The following CALD1 variants were observed in gnomAD, a reference collection of about 807,000 sequenced individuals.
The protein encoded by CALD1 is caldesmon 1.
In CALD1, 33 loss-of-function variants were observed where a neutral mutation model predicts 99.9. The ratio of observed to expected loss-of-function variants is 0.33; its 90% CI spans 0.25 to 0.44. CALD1 has a LOEUF of 0.44. Among genes scored for constraint, CALD1 ranks in the 20% least tolerant of loss-of-function variants. The probability of loss-of-function intolerance (pLI) is 1.00; values close to 1 mark genes in which losing one functional copy is unlikely to be tolerated. For missense variants in CALD1, 861 were observed against 962.1 expected (o/e 0.89, Z 1.39); for synonymous variants, 310 against 325.0 (o/e 0.95, Z 0.50).
chr7:134,930,042 C>T (rs559050833), intron 4 of CALD1, among the ~76,000 whole-genome samples: 66 of 152,146 alleles, frequency 4.3e-4, no homozygotes, highest in Middle Eastern at 3.4e-3. Flanking sequence ...TTGCAGATGT[C>T]TTCTTTTTTC....
Position 134,896,491 on chromosome 7 carries a change from T to A in CALD1, c.71+28687T>A, listed in dbSNP as rs553808053. 3.3e-5 allele frequency among the ~76,000 whole-genome samples: 5 copies of A among 152,312 alleles called. No homozygotes were observed. The South Asian group carries it at 6.2e-4, about 19-fold the overall frequency. On this transcript the variant is annotated intron_variant, in intron 3 of 14. Transcript: ENST00000361675. ...ATAGGTCACTGTGCTTTGCATGTATTGGGTACTCTTCTATACAAGATATTG... is the reference window on the plus strand; with the variant it reads ...ATAGGTCACTGTGCTTTGCATGTATAGGGTACTCTTCTATACAAGATATTG...
intron 8 of CALD1, among the ~76,000 whole-genome samples, chr7:134,949,671 C>T (rs886264671): frequency 6.6e-6 from 1 of 152,124 alleles, no homozygotes; most frequent in African/African-American, 2.4e-5. Flanking sequence ...TCACAACTCT[C>T]CTAGGATGTA....
intron 1 of CALD1, among the ~76,000 whole-genome samples, chr7:134,843,628 T>C (rs1046064517): frequency 6.6e-6 from 1 of 152,246 alleles, no homozygotes; most frequent in East Asian, 1.9e-4. Flanking sequence ...GGCAATTAGA[T>C]ACTATCCCTG....
At chr7:134,863,139 G>T (rs1291562126) in intron 2 of CALD1, among the ~76,000 whole-genome samples, 1 of 152,112 alleles carries the variant, frequency 6.6e-6, no homozygotes, top group Non-Finnish European at 1.5e-5. Context: ...GACTACATCT[G>T]CAAAGACTCT....
Position 134,815,926 on chromosome 7 carries a change from A to G in CALD1, c.-129-27958A>G, listed in dbSNP as rs548948180. Among the ~76,000 whole-genome samples, 122 of 152,314 alleles carry G rather than the reference A, an allele frequency of 8.0e-4. 1 individual carries two copies. Among genetic ancestry groups the G allele is most frequent in the Non-Finnish European group, 1.1e-3 (73 of 68,024 alleles). On this transcript the variant is annotated intron_variant, in intron 1 of 14. Coordinates refer to ENST00000361675, the MANE Select transcript of CALD1 (RefSeq NM_033138.4). ...AACTGGCATATATCCCCTTTGTAAA[A>G]TATCAATTCCTTAAGAATCTTTCTT...
intron 1 of CALD1, among the ~76,000 whole-genome samples, chr7:134,797,722 A>T (rs1174656697): frequency 2.0e-5 from 3 of 152,076 alleles, no homozygotes; most frequent in Non-Finnish European, 4.4e-5. Context: ...CCTCCCGAGT[A>T]ACTGGGACTA....
intron 1 of CALD1, among the ~76,000 whole-genome samples, chr7:134,841,191 G>T (rs1269187115): frequency 2.6e-5 from 4 of 152,018 alleles, no homozygotes; most frequent in Non-Finnish European, 5.9e-5. Context: ...GAAATTGAGT[G>T]GTTAAATGAC....
chr7:134,767,948 C>A (rs1200499664), intron 1 of CALD1, among the ~76,000 whole-genome samples: 2 of 152,230 alleles, frequency 1.3e-5, no homozygotes, highest in Non-Finnish European at 2.9e-5. Flanking sequence ...AAAACTCTAG[C>A]CACAGCTTTG....
chr7:134,938,567 T>A (rs1806177455), intron 6 of CALD1, among the ~76,000 whole-genome samples: 1 of 152,206 alleles, frequency 6.6e-6, no homozygotes, highest in South Asian at 2.1e-4. Context: ...GGTAACAGTC[T>A]GACCTATAAG....
At chr7:134,832,511 G>C (rs1799271510) in intron 1 of CALD1, among the ~76,000 whole-genome samples, 1 of 152,198 alleles carries the variant, frequency 6.6e-6, no homozygotes, top group African/African-American at 2.4e-5. Flanking sequence ...AGATACTGTG[G>C]GGTATAAAGT....
intron 1 of CALD1, among the ~76,000 whole-genome samples, chr7:134,817,250 G>A (rs1487067824): frequency 1.3e-5 from 2 of 152,072 alleles, no homozygotes; most frequent in East Asian, 3.8e-4. Flanking sequence ...ACACCCTCTT[G>A]AGCTGGTTAG....
chr7:134,774,564 G>C (rs1585906654), intron 1 of CALD1, among the ~76,000 whole-genome samples: 1 of 152,204 alleles, frequency 6.6e-6, no homozygotes, highest in Admixed American at 6.5e-5. Flanking sequence ...GTTGTGTGGG[G>C]TAGAGGACGC....
intron 1 of CALD1, among the ~76,000 whole-genome samples, chr7:134,787,616 G>A (rs1797356247): frequency 1.3e-5 from 2 of 152,160 alleles, no homozygotes; most frequent in African/African-American, 4.8e-5. Context: ...TTGAAAGTAT[G>A]TGGACCCTAA....
At chr7:134,750,968 C>T (rs1796680958) in intron 1 of CALD1, among the ~76,000 whole-genome samples, 1 of 152,110 alleles carries the variant, frequency 6.6e-6, no homozygotes, top group South Asian at 2.1e-4. Context: ...ATATGGCATG[C>T]TTCTCCATCA....
intron 9 of CALD1, among the ~76,000 whole-genome samples, chr7:134,955,576 C>T (rs919463786): frequency 6.6e-6 from 1 of 152,184 alleles, no homozygotes; most frequent in African/African-American, 2.4e-5. Flanking sequence ...AGATGGCTGC[C>T]TTCTTACTGT....
chr7:134,742,849 C>A (rs925972919), upstream of CALD1, among the ~76,000 whole-genome samples: 5 of 152,150 alleles, frequency 3.3e-5, no homozygotes, highest in African/African-American at 1.2e-4. Context: ...TGTTCTGTTT[C>A]TTTAAGGTTA....
chr7:134,956,822 C>T (rs1807807677), intron 9 of CALD1, among the ~76,000 whole-genome samples: 1 of 152,164 alleles, frequency 6.6e-6, no homozygotes. Context: ...AAGGTATTTG[C>T]TCATGGTATT....
chr7:134,750,755 T>TG (rs1291556159), intron 1 of CALD1, among the ~76,000 whole-genome samples: 32 of 81,766 alleles, frequency 3.9e-4, no homozygotes. Flanking sequence ...ACTTCTATAT[T>TG]GTTTTTTTTT....
chr7:134,887,984 C>A (rs1801959366), intron 3 of CALD1, among the ~76,000 whole-genome samples: 1 of 152,192 alleles, frequency 6.6e-6, no homozygotes, highest in African/African-American at 2.4e-5. Flanking sequence ...AGAAGCTGTT[C>A]TTAAACAACT....
Sources: gnomAD v4.1 joint callset for allele counts (sites outside exome capture counted in the v4.1 genomes callset) on GRCh38, gnomAD v4.1.1 for gene constraint, MANE v1.5 for transcripts, NCBI Gene and HGNC (gene_info 2026-07-23, HGNC 2026-07-21) for gene names.